The following SUCLG2 variants were observed in gnomAD, a reference collection of about 807,000 sequenced individuals.
The protein encoded by SUCLG2 is succinate-CoA ligase GDP-forming subunit beta, also known as succinate--CoA ligase [GDP-forming] subunit beta, mitochondrial.
SUCLG2 carries 42 observed loss-of-function variants against 47.9 expected under a neutral mutation model. That is an observed-to-expected ratio of 0.88 (90% CI 0.69 to 1.14). The LOEUF is 1.14. Ranked by LOEUF, SUCLG2 falls within the 50% of genes most tolerant of loss-of-function variation. The pLI is 0.00. For synonymous variants in SUCLG2, 195 were observed against 197.3 expected (o/e 0.99, Z 0.10); for missense variants, 571 against 525.9 (o/e 1.09, Z -0.84).
chr3:67,436,620 A>G (rs1703630573), intron 9 of SUCLG2, among the ~76,000 whole-genome samples: 1 of 152,190 alleles, frequency 6.6e-6, no homozygotes. Context: ...CTAAGTTGTC[A>G]CTATATCATC....
chr3:67,486,357 C>T (rs915377180), intron 9 of SUCLG2, among the ~76,000 whole-genome samples: 4 of 152,110 alleles, frequency 2.6e-5, no homozygotes, highest in African/African-American at 7.2e-5. Context: ...TGAAAAGCTG[C>T]TCATAATTAT....
At chr3:67,422,909 G>C (rs182863283) in intron 9 of SUCLG2, among the ~76,000 whole-genome samples, 1 of 152,182 alleles carries the variant, frequency 6.6e-6, no homozygotes, top group Admixed American at 6.5e-5. Context: ...ATCACATTAG[G>C]TGGAAGCTTC....
At chr3:67,471,385 G>A (rs1301781477) in intron 9 of SUCLG2, among the ~76,000 whole-genome samples, 2 of 152,142 alleles carry the variant, frequency 1.3e-5, no homozygotes, top group Non-Finnish European at 2.9e-5. Context: ...TGGGTTGAGG[G>A]CTTCTTTACC....
At chr3:67,521,424 T>C (rs1331569914) in intron 4 of SUCLG2, among the ~76,000 whole-genome samples, 1 of 152,178 alleles carries the variant, frequency 6.6e-6, no homozygotes, top group Non-Finnish European at 1.5e-5. Flanking sequence ...GGGGACTCAC[T>C]GCCTCAGCCA....
At chr3:67,494,583 A>G (rs73088924) in intron 9 of SUCLG2, among the ~76,000 whole-genome samples, 5,679 of 152,234 alleles carry the variant, frequency 0.037, 134 homozygotes, top group African/African-American at 0.073. Context: ...CTATGATAAC[A>G]CCACAGCACT....
At chr3:67,425,369 G>T (rs1703270367) in intron 9 of SUCLG2, among the ~76,000 whole-genome samples, 1 of 152,066 alleles carries the variant, frequency 6.6e-6, no homozygotes, top group Non-Finnish European at 1.5e-5. Flanking sequence ...CTGGAAAATG[G>T]GATATCCGGA....
intron 2 of SUCLG2, among the ~76,000 whole-genome samples, chr3:67,564,374 T>TA (rs140808165): frequency 0.045 from 6,783 of 152,264 alleles, 494 homozygotes; most frequent in African/African-American, 0.16. Context: ...TACCTTGACT[T>TA]AGACTTTCAG....
intron 9 of SUCLG2, among the ~76,000 whole-genome samples, chr3:67,448,832 TTTTTC>T (rs1012917696): frequency 2.0e-5 from 3 of 152,184 alleles, no homozygotes; most frequent in African/African-American, 4.8e-5. Flanking sequence ...AAAAGGTTTT[TTTTTC>T]TTTTCTTTTA....
downstream of SUCLG2, chr3:67,374,673 A>T: frequency 1.3e-6 from 1 of 764,104 alleles, no homozygotes; most frequent in Non-Finnish European, 1.6e-6. Context: ...AAAAAAAAAA[A>T]TGTTTGAGGA....
intron 2 of SUCLG2, among the ~76,000 whole-genome samples, chr3:67,579,768 T>A (rs1414154820): frequency 1.3e-5 from 2 of 152,180 alleles, no homozygotes; most frequent in African/African-American, 2.4e-5. Context: ...AAAGTCCACG[T>A]CAGATATCAA....
intron 4 of SUCLG2, among the ~76,000 whole-genome samples, chr3:67,524,960 A>G (rs922982300): frequency 6.6e-6 from 1 of 152,232 alleles, no homozygotes; most frequent in African/African-American, 2.4e-5. Context: ...TTCACCAAGC[A>G]TTTAAAAAGA....
intron 2 of SUCLG2, among the ~76,000 whole-genome samples, chr3:67,571,150 C>T (rs1437521783): frequency 6.6e-6 from 1 of 152,104 alleles, no homozygotes; most frequent in Non-Finnish European, 1.5e-5. Flanking sequence ...TACAGTGATT[C>T]TAAACCTGAG....
intron 2 of SUCLG2, among the ~76,000 whole-genome samples, chr3:67,594,162 G>A (rs1296590131): frequency 6.6e-6 from 1 of 152,212 alleles, no homozygotes; most frequent in Non-Finnish European, 1.5e-5. Flanking sequence ...ACTTGAGCAA[G>A]AACAAATGAC....
At chr3:67,553,078 T>C (rs1242107529) in intron 2 of SUCLG2, among the ~76,000 whole-genome samples, 1 of 152,186 alleles carries the variant, frequency 6.6e-6, no homozygotes, top group Admixed American at 6.5e-5. Flanking sequence ...TTCTATGACA[T>C]CTCCCATCCC....
chr3:67,388,461 A>G (rs1049402047), intron 10 of SUCLG2, among the ~76,000 whole-genome samples: 3 of 152,204 alleles, frequency 2.0e-5, no homozygotes, highest in Non-Finnish European at 4.4e-5. Flanking sequence ...ACTAATATTC[A>G]TATGTGTGAT....
chr3:67,530,036 A>G (rs1421632581), intron 2 of SUCLG2, among the ~76,000 whole-genome samples: 2 of 152,236 alleles, frequency 1.3e-5, no homozygotes. Flanking sequence ...TTAATAAACC[A>G]AATAGCACAC....
At chr3:67,496,232 C>T (rs559619147) in intron 8 of SUCLG2, among the ~76,000 whole-genome samples, 4 of 152,140 alleles carry the variant, frequency 2.6e-5, no homozygotes, top group Non-Finnish European at 4.4e-5. Context: ...AGTAAGTAAC[C>T]GATTTGGGCC....
chr3:67,418,029 C>T (rs762255598), intron 9 of SUCLG2, among the ~76,000 whole-genome samples: 33 of 152,246 alleles, frequency 2.2e-4, no homozygotes, highest in African/African-American at 6.7e-4. Context: ...ATCCTGACTT[C>T]GAGGAGCTGT....
At chr3:67,470,496 G>A (rs535781014) in intron 9 of SUCLG2, among the ~76,000 whole-genome samples, 1 of 152,332 alleles carries the variant, frequency 6.6e-6, no homozygotes, top group East Asian at 1.9e-4. Flanking sequence ...CCTTTAAAAA[G>A]TGATTAGGTC....
Sources: allele counts gnomAD v4.1 joint callset (sites outside exome capture counted in the v4.1 genomes callset), GRCh38; gene constraint gnomAD v4.1.1; transcripts MANE v1.5; gene names NCBI Gene and HGNC (gene_info 2026-07-23, HGNC 2026-07-21).